KCTD1: variants seen among roughly 807,000 people sequenced by gnomAD.
KCTD1 encodes BTB/POZ domain-containing protein KCTD1.
KCTD1 carries 24 observed loss-of-function variants against 66.0 expected under a neutral mutation model. The ratio of observed to expected loss-of-function variants is 0.36; its 90% CI spans 0.26 to 0.51. The LOEUF is 0.51. KCTD1 is among the 20% of genes least tolerant of loss of function. KCTD1 has a pLI of 0.95. For missense variants in KCTD1, 943 were observed against 1,205.2 expected (o/e 0.78, Z 3.22); for synonymous variants, 511 against 517.2 (o/e 0.99, Z 0.16).
At chr18:26,541,722 T>C (rs1393606524) in intron 1 of KCTD1, among the ~76,000 whole-genome samples, 2 of 152,216 alleles carry the variant, frequency 1.3e-5, no homozygotes, top group Non-Finnish European at 2.9e-5. Flanking sequence ...TCATCCAGTT[T>C]ATGGTCATGG....
At chr18:26,470,156 C>T (rs1425676890) in intron 3 of KCTD1, among the ~76,000 whole-genome samples, 1 of 152,220 alleles carries the variant, frequency 6.6e-6, no homozygotes, top group African/African-American at 2.4e-5. Context: ...CAAATATTTA[C>T]ATGCTTAATA....
intron 1 of KCTD1, among the ~76,000 whole-genome samples, chr18:26,597,658 G>GTT (rs71169866): frequency 6.5e-5 from 7 of 108,092 alleles, no homozygotes; most frequent in Admixed American, 9.4e-5. Flanking sequence ...AGGTCTTGGT[G>GTT]TTTTTTTTTT....
intron 1 of KCTD1, among the ~76,000 whole-genome samples, chr18:26,647,512 T>C (rs1987950232): frequency 2.2e-5 from 1 of 44,948 alleles, no homozygotes; most frequent in African/African-American, 6.0e-5. Context: ...AGAGTGAGAC[T>C]CCATCTCAAA....
intron 2 of KCTD1, among the ~76,000 whole-genome samples, chr18:26,486,571 C>G (rs909821310): frequency 6.6e-6 from 1 of 152,310 alleles, no homozygotes; most frequent in Middle Eastern, 3.4e-3. Flanking sequence ...TGGACTGGGG[C>G]CTTCCTGTGT....
chr18:26,561,583 T>C (rs1325369666), intron 1 of KCTD1, among the ~76,000 whole-genome samples: 2 of 152,140 alleles, frequency 1.3e-5, no homozygotes, highest in Non-Finnish European at 2.9e-5. Context: ...GTTCTAGGTG[T>C]TTCTATTACA....
intron 1 of KCTD1, among the ~76,000 whole-genome samples, chr18:26,506,967 A>ACCAGC (rs1461209205): frequency 6.6e-6 from 1 of 152,178 alleles, no homozygotes; most frequent in African/African-American, 2.4e-5. Flanking sequence ...GGAGTTTGAG[A>ACCAGC]CCAGCCTGGC....
At position 26,547,009 on chromosome 18, in the gene KCTD1, G is replaced by A. The variant is rs1484730685; in HGVS notation, c.1528C>T (p.Leu510=). The A allele has an allele frequency of 6.7e-7, 1 of 1,485,580 alleles. No individual in the cohort carries two copies. Among genetic ancestry groups the A allele is most frequent in the East Asian group, 2.5e-5 (1 of 40,260 alleles). The allele number at this position is 1,485,580 out of a possible 1,614,324, so 92.0% of individuals were successfully genotyped here. ...SHHHRPQPPS[L]GNTYILPKDS... ...TTGGGGAGGATGTAAGTGTTCCCCA[G>A]CGAGGGCGGCTGGGGGCGGTGGTGG... Residue 510 remains leucine (L), a synonymous_variant, in exon 1 of 5, where the codon CTG becomes TTG. Transcript: ENST00000580059.
At chr18:26,532,532 G>T (rs935482868) in intron 1 of KCTD1, among the ~76,000 whole-genome samples, 1 of 152,046 alleles carries the variant, frequency 6.6e-6, no homozygotes, top group African/African-American at 2.4e-5. Context: ...CCAAAGTGCC[G>T]GGGTTACAGG....
At chr18:26,521,376 A>G (rs11659532) in intron 1 of KCTD1, among the ~76,000 whole-genome samples, 9,082 of 152,312 alleles carry the variant, frequency 0.06, 315 homozygotes, top group Middle Eastern at 0.11. Context: ...CTCTTTTGCA[A>G]AAGCTCAAAA....
At position 26,476,184 on chromosome 18, in the gene KCTD1, AC is replaced by A. The variant is rs1016635878; in HGVS notation, c.2133+330del. ...TTGCTTTCGATTTCTAGGGGCGGGG[AC>A]GGGGAAGTCTTCATTAAGCTAAGGA... On this transcript the variant is annotated intron_variant, in intron 3 of 4. Transcript: ENST00000580059. This position sits in a 1 kb window ranked among gnomAD's most constrained non-coding sequence, Gnocchi z 4.9. 6.6e-6 allele frequency among the ~76,000 whole-genome samples: 1 copy of A among 152,140 alleles called. No homozygotes were observed. Among genetic ancestry groups the A allele is most frequent in the African/African-American group, 2.4e-5 (1 of 41,438 alleles).
At chr18:26,475,620 G>A (rs1048213802) in intron 3 of KCTD1, among the ~76,000 whole-genome samples, 1 of 152,178 alleles carries the variant, frequency 6.6e-6, no homozygotes, top group Non-Finnish European at 1.5e-5. Flanking sequence ...GGAGGCTGAG[G>A]CAGGTGGATC....
intron 1 of KCTD1, among the ~76,000 whole-genome samples, chr18:26,613,431 T>C (rs1035214600): frequency 1.3e-5 from 2 of 152,196 alleles, no homozygotes; most frequent in East Asian, 1.9e-4. Flanking sequence ...GGATTTTCTA[T>C]CTGTCATTTT....
At chr18:26,602,723 C>T (rs1986924717) in intron 1 of KCTD1, among the ~76,000 whole-genome samples, 1 of 152,150 alleles carries the variant, frequency 6.6e-6, no homozygotes, top group African/African-American at 2.4e-5. Flanking sequence ...TCTGTTCTTC[C>T]TCCTGGGTTA....
At chr18:26,492,831 C>T (rs1642987474) in intron 2 of KCTD1, among the ~76,000 whole-genome samples, 1 of 151,878 alleles carries the variant, frequency 6.6e-6, no homozygotes, top group Non-Finnish European at 1.5e-5. Context: ...CAGTTCCTTA[C>T]CTATAAGGTT....
At chr18:26,517,519 T>C (rs1436699907) in intron 1 of KCTD1, among the ~76,000 whole-genome samples, 2 of 152,002 alleles carry the variant, frequency 1.3e-5, no homozygotes, top group East Asian at 1.9e-4. Context: ...TAGCTGAGCA[T>C]GGTGATGCAT....
At chr18:26,614,859 A>C (rs2145001215) in intron 1 of KCTD1, among the ~76,000 whole-genome samples, 1 of 152,360 alleles carries the variant, frequency 6.6e-6, no homozygotes, top group African/African-American at 2.4e-5. Context: ...TTCTCTTACC[A>C]GTTATGTACC....
intron 1 of KCTD1, among the ~76,000 whole-genome samples, chr18:26,502,713 C>T (rs539131853): frequency 2.0e-5 from 3 of 152,060 alleles, no homozygotes; most frequent in Non-Finnish European, 2.9e-5. Context: ...TCTGTAACAC[C>T]GATGACACAC....
chr18:26,465,640 A>C (rs898615881), intron 3 of KCTD1, among the ~76,000 whole-genome samples: 2 of 152,184 alleles, frequency 1.3e-5, no homozygotes, highest in Non-Finnish European at 2.9e-5. Context: ...TTACAGACAG[A>C]AGCACACACA....
At chr18:26,490,052 C>T (rs145705251) in intron 2 of KCTD1, among the ~76,000 whole-genome samples, 112 of 152,218 alleles carry the variant, frequency 7.4e-4, no homozygotes, top group Admixed American at 2.3e-3. Flanking sequence ...TGATCAAAAA[C>T]GAGTACAGTC....
Sources: gnomAD v4.1 joint callset for allele counts (sites outside exome capture counted in the v4.1 genomes callset) on GRCh38, gnomAD v4.1.1 for gene constraint, Gnocchi (gnomAD v3.1) non-coding constraint, MANE v1.5 for transcripts, NCBI Gene and HGNC (gene_info 2026-07-23, HGNC 2026-07-21) for gene names.